The following CSRP1 variants were observed in gnomAD, a reference collection of about 807,000 sequenced individuals.
CSRP1 encodes the protein cysteine and glycine-rich protein 1.
Under a neutral mutation model 25.4 loss-of-function variants are expected in CSRP1, and 16 were observed. The ratio of observed to expected loss-of-function variants is 0.63; its 90% CI spans 0.43 to 0.96. The LOEUF is 0.96. Among genes scored for constraint, CSRP1 ranks in the 40% least tolerant of loss-of-function variants. The pLI, the probability that CSRP1 is intolerant of heterozygous loss-of-function variation, is 0.00. For synonymous variants in CSRP1, 97 were observed against 95.3 expected (o/e 1.02, Z -0.10); for missense variants, 212 against 243.6 (o/e 0.87, Z 0.86).
chr1:201,486,276 C>T (rs991812177), intron 4 of CSRP1: 1 of 914,402 alleles, frequency 1.1e-6, no homozygotes, highest in Non-Finnish European at 1.3e-6. Flanking sequence ...GTTGCACAGA[C>T]AGACTTCTCC....
At chr1:201,505,726 T>G (rs61819661) in intron 1 of CSRP1, among the ~76,000 whole-genome samples, 1 of 152,036 alleles carries the variant, frequency 6.6e-6, no homozygotes, top group African/African-American at 2.4e-5. Context: ...AAAGCTGCCC[T>G]CCAGCAGCTG....
Position 201,483,883 on chromosome 1 carries a change from C to T in CSRP1, c.*830G>A. On this transcript the variant is annotated 3_prime_UTR_variant, in exon 6 of 6. Transcript: ENST00000340006. ...CAAGCAGGTGTGGCAAGAACAGAGC[C>T]CTGGCCTGGGCTCTGCTGGCCGCAG... 4.8e-6 allele frequency: 3 copies of T among 626,732 alleles called. No individual in the cohort carries two copies. The highest frequency in any genetic ancestry group is 2.8e-5 in the East Asian group (1 of 36,162). 38.8% of individuals were successfully genotyped at this position (626,732 alleles called of 1,614,324 possible). A position where few individuals can be genotyped will look rare whatever the true frequency, so the allele number is the denominator to read the frequency against.
chr1:201,500,052 A>G (rs1244075540), intron 1 of CSRP1, among the ~76,000 whole-genome samples: 2 of 152,196 alleles, frequency 1.3e-5, no homozygotes, highest in Non-Finnish European at 2.9e-5. Flanking sequence ...TAGACCTGGG[A>G]TTCTAATGCA....
At chr1:201,486,672 G>C (rs1484532940) in intron 4 of CSRP1, 2 of 1,043,782 alleles carry the variant, frequency 1.9e-6, no homozygotes, top group Non-Finnish European at 2.3e-6. Flanking sequence ...ATATTTCCTA[G>C]CCACCTCCCT....
chr1:201,499,056 G>A (rs961074299), intron 1 of CSRP1, among the ~76,000 whole-genome samples: 29 of 152,176 alleles, frequency 1.9e-4, no homozygotes, highest in Admixed American at 1.5e-3. Context: ...AACCCATGCG[G>A]CCTGAGCCCC....
At chr1:201,498,248 G>A (rs1664567819) in intron 1 of CSRP1, among the ~76,000 whole-genome samples, 1 of 152,200 alleles carries the variant, frequency 6.6e-6, no homozygotes, top group African/African-American at 2.4e-5. Flanking sequence ...CTCAACAGAC[G>A]TGGCTGAAGG....
intron 1 of CSRP1, among the ~76,000 whole-genome samples, chr1:201,501,374 G>A (rs1391563148): frequency 2.0e-5 from 3 of 152,188 alleles, no homozygotes; most frequent in Non-Finnish European, 2.9e-5. Flanking sequence ...GCCCTTCTTT[G>A]GGGTTTAGCT....
At chr1:201,488,719 G>C (rs1664228658) in intron 4 of CSRP1, 136 bp downstream of exon 4, 1 of 1,002,408 alleles carries the variant, frequency 1.0e-6, no homozygotes, top group Non-Finnish European at 1.5e-6. Flanking sequence ...GCAACCCACA[G>C]GGACAAAGAG....
At chr1:201,487,414 AAAAC>A (rs1300596296) in intron 4 of CSRP1, 1 of 81,930 alleles carries the variant, frequency 1.2e-5, no homozygotes, top group African/African-American at 5.2e-5. Flanking sequence ...AAAGAAAACA[AAAAC>A]AAAAACAAAC....
chr1:201,504,671 G>A (rs1664764315), intron 1 of CSRP1, among the ~76,000 whole-genome samples: 1 of 152,206 alleles, frequency 6.6e-6, no homozygotes, highest in South Asian at 2.1e-4. Flanking sequence ...TATGTTGCTA[G>A]GCGCAGTGGG....
At chr1:201,485,714 T>C (rs1159221818) in intron 4 of CSRP1, 2 of 298,596 alleles carry the variant, frequency 6.7e-6, no homozygotes, top group East Asian at 7.0e-5. Context: ...TCCAGACCCA[T>C]CTTGCCAGTA....
At chr1:201,496,572 A>G in intron 1 of CSRP1, 2 of 491,800 alleles carry the variant, frequency 4.1e-6, no homozygotes, top group East Asian at 3.6e-5. Flanking sequence ...ACTCTAAAGG[A>G]TGTGGATCAG....
At chr1:201,487,178 G>A (rs573208145) in intron 4 of CSRP1, 20 of 341,036 alleles carry the variant, frequency 5.9e-5, no homozygotes, top group Middle Eastern at 1.7e-3. Flanking sequence ...TTTGGAGGCC[G>A]AGGTGGGTGG....
intron 5 of CSRP1, 52 bp from the exon 6 acceptor site, chr1:201,484,841 C>T (rs1327365946): frequency 2.0e-6 from 3 of 1,496,834 alleles, no homozygotes; most frequent in Non-Finnish European, 2.8e-6. Flanking sequence ...CCCCCAGCCA[C>T]ACCACCCACC....
At chr1:201,501,816 A>T (rs1209057913) in intron 1 of CSRP1, among the ~76,000 whole-genome samples, 1 of 151,978 alleles carries the variant, frequency 6.6e-6, no homozygotes, top group African/African-American at 2.4e-5. Context: ...AATGTAGTGA[A>T]ACCCCATCTT....
At chr1:201,502,799 C>G (rs1402155817) in intron 1 of CSRP1, among the ~76,000 whole-genome samples, 1 of 152,136 alleles carries the variant, frequency 6.6e-6, no homozygotes, top group Non-Finnish European at 1.5e-5. Context: ...CCTTTCCCCA[C>G]TTGCCCCCAG....
Position 201,486,916 on chromosome 1 carries a change from G to T in CSRP1, c.412-1540C>A, listed in dbSNP as rs1459714610. 1.3e-5 allele frequency: 16 copies of T among 1,270,202 alleles called. No individual in the cohort carries two copies. In the East Asian group the frequency reaches 9.0e-4, roughly 72 times the overall value. 78.7% of individuals were successfully genotyped at this position (1,270,202 alleles called of 1,614,324 possible). A position where few individuals can be genotyped will look rare whatever the true frequency, so the allele number is the denominator to read the frequency against. On this transcript the variant is annotated intron_variant, in intron 4 of 5. Coordinates refer to ENST00000340006, the MANE Select transcript of CSRP1 (RefSeq NM_004078.3). ...TAATAATTTTCTATTCTCATAATGA[G>T]ATAGAACAAAAAACCCAACTTAATA...
Position 201,485,490 on chromosome 1 carries a change from T to G in CSRP1, c.412-114A>C, listed in dbSNP as rs539026193. The G allele has an allele frequency of 3.0e-5, 27 of 899,614 alleles. No individual in the cohort carries two copies. The African/African-American group carries it at 4.4e-4, about 15-fold the overall frequency. The allele number at this position is 899,614 out of a possible 1,614,324, so 55.7% of individuals were successfully genotyped here. ...ATAAGGGCTCAAGCCACTTCTGAAGTCTACTCAGCTGGTGCTGCTGGGAGG... is the reference window on the plus strand; with the variant it reads ...ATAAGGGCTCAAGCCACTTCTGAAGGCTACTCAGCTGGTGCTGCTGGGAGG... On this transcript the variant is annotated intron_variant, in intron 4 of 5. Transcript: ENST00000340006.
intron 1 of CSRP1, among the ~76,000 whole-genome samples, chr1:201,504,076 C>T (rs899720752): frequency 6.6e-6 from 1 of 152,114 alleles, no homozygotes; most frequent in African/African-American, 2.4e-5. Context: ...ATGTGTTTCA[C>T]AAATGGCAGA....
Sources: gnomAD v4.1 joint callset for allele counts (sites outside exome capture counted in the v4.1 genomes callset) on GRCh38, gnomAD v4.1.1 for gene constraint, MANE v1.5 for transcripts, NCBI Gene and HGNC (gene_info 2026-07-23, HGNC 2026-07-21) for gene names.